The following ARHGAP15 variants were observed in gnomAD, a reference collection of about 807,000 sequenced individuals.
The protein encoded by ARHGAP15 is Rho GTPase activating protein 15, also known as rho GTPase-activating protein 15.
ARHGAP15 carries 51 observed loss-of-function variants against 63.7 expected under a neutral mutation model. That is an observed-to-expected ratio of 0.80 (90% CI 0.64 to 1.01). The LOEUF is 1.01. Ranked by LOEUF, ARHGAP15 falls within the 50% of genes least tolerant of loss-of-function variation. The probability of loss-of-function intolerance (pLI) is 0.00; values close to 1 mark genes in which losing one functional copy is unlikely to be tolerated. For synonymous variants in ARHGAP15, 191 were observed against 193.8 expected (o/e 0.99, Z 0.12); for missense variants, 560 against 564.6 (o/e 0.99, Z 0.08).
At chr2:143,371,417 T>C (rs542464966) in intron 6 of ARHGAP15, among the ~76,000 whole-genome samples, 6 of 152,338 alleles carry the variant, frequency 3.9e-5, no homozygotes, top group East Asian at 1.9e-4. Flanking sequence ...GACTCCAAGA[T>C]GGCATATTGT....
At position 143,397,653 on chromosome 2, in the gene ARHGAP15, C is replaced by CTGTT. The variant is rs1447929406; in HGVS notation, c.475-37948_475-37947insTGTT. ...ACTTTTTTCATAAATAGCAATTTAACAAAACCTAACACTTTAATGTGACAA... is the reference window on the plus strand; with the variant it reads ...ACTTTTTTCATAAATAGCAATTTAACTGTTAAAACCTAACACTTTAATGTGACAA... On this transcript the variant is annotated intron_variant, in intron 6 of 13. Transcript: ENST00000295095. 4.5e-3 allele frequency among the ~76,000 whole-genome samples: 684 copies of CTGTT among 151,948 alleles called. 7 individuals carry two copies. The highest frequency in any genetic ancestry group is 0.016 in the African/African-American group (654 of 41,480).
intron 8 of ARHGAP15, among the ~76,000 whole-genome samples, chr2:143,443,529 C>G (rs1350725528): frequency 2.0e-5 from 3 of 150,938 alleles, no homozygotes; most frequent in African/African-American, 4.9e-5. Flanking sequence ...AATGTGGAAA[C>G]AAATCACTTC....
intron 8 of ARHGAP15, among the ~76,000 whole-genome samples, chr2:143,463,678 C>G (rs988232541): frequency 6.6e-6 from 1 of 152,096 alleles, no homozygotes; most frequent in African/African-American, 2.4e-5. Context: ...CTCTGTTGAA[C>G]CCAGGATGAT....
intron 6 of ARHGAP15, among the ~76,000 whole-genome samples, chr2:143,333,276 T>C (rs951507774): frequency 2.0e-5 from 3 of 152,226 alleles, no homozygotes; most frequent in African/African-American, 4.8e-5. Context: ...GTTAGACTGT[T>C]GTTTTAAATA....
chr2:143,481,434 T>C (rs4662332), intron 8 of ARHGAP15, among the ~76,000 whole-genome samples: 150,821 of 152,256 alleles, frequency 0.99, 74,717 homozygotes, highest in Middle Eastern at 1. Context: ...AACATGTAAT[T>C]GTAACATGGG....
chr2:143,739,844 T>C (rs1330398167), intron 13 of ARHGAP15, among the ~76,000 whole-genome samples: 1 of 152,196 alleles, frequency 6.6e-6, no homozygotes, highest in Non-Finnish European at 1.5e-5. Flanking sequence ...ACTTAAATAA[T>C]AGGTGCCCCT....
chr2:143,270,153 G>A (rs1165539616), intron 6 of ARHGAP15, among the ~76,000 whole-genome samples: 4 of 152,038 alleles, frequency 2.6e-5, no homozygotes, highest in African/African-American at 9.7e-5. Flanking sequence ...TGTATTTTTA[G>A]TAGAGATGGG....
chr2:143,720,499 G>GA (rs922437421), intron 13 of ARHGAP15, among the ~76,000 whole-genome samples: 8 of 152,050 alleles, frequency 5.3e-5, no homozygotes, highest in Admixed American at 3.9e-4. Context: ...CTAATTGCTA[G>GA]AAAAAAAGAC....
At chr2:143,297,068 T>C (rs906067097) in intron 6 of ARHGAP15, among the ~76,000 whole-genome samples, 1 of 151,952 alleles carries the variant, frequency 6.6e-6, no homozygotes, top group Non-Finnish European at 1.5e-5. Flanking sequence ...AGAAAAAAGG[T>C]ACCCCAGTAT....
At chr2:143,471,184 GTATATATACACACATATATGTGTGTA>G (rs1201444764) in intron 8 of ARHGAP15, among the ~76,000 whole-genome samples, 41 of 140,788 alleles carry the variant, frequency 2.9e-4, no homozygotes, top group Admixed American at 1.7e-3. Context: ...ATATGTGTGT[GTATATATACACACATATATGTGTGTA>G]TATATACACA....
chr2:143,715,164 T>A (rs1025809285), intron 13 of ARHGAP15, among the ~76,000 whole-genome samples: 3 of 152,120 alleles, frequency 2.0e-5, no homozygotes, highest in African/African-American at 7.2e-5. Flanking sequence ...AAAAGGTACT[T>A]CTTACATTGT....
intron 6 of ARHGAP15, among the ~76,000 whole-genome samples, chr2:143,426,203 A>C (rs1689131178): frequency 6.6e-6 from 1 of 152,228 alleles, no homozygotes; most frequent in African/African-American, 2.4e-5. Context: ...TCTGATCACA[A>C]ATACTCATTT....
Position 143,575,199 on chromosome 2 carries a change from C to T in ARHGAP15, c.1003+18714C>T, listed in dbSNP as rs140881926. 3.0e-3 allele frequency among the ~76,000 whole-genome samples: 463 copies of T among 152,222 alleles called. 3 individuals are homozygous for T. Among genetic ancestry groups the T allele is most frequent in the African/African-American group, 0.01 (435 of 41,546 alleles). On this transcript the variant is annotated intron_variant, in intron 11 of 13. Transcript: ENST00000295095. ...GTACTTGTGTGTTGTAAAAACTGTGCGCAGACACACATATGTGTACACTTT... is the reference window on the plus strand; with the variant it reads ...GTACTTGTGTGTTGTAAAAACTGTGTGCAGACACACATATGTGTACACTTT...
At chr2:143,658,406 T>G (rs954667243) in intron 12 of ARHGAP15, among the ~76,000 whole-genome samples, 4 of 152,248 alleles carry the variant, frequency 2.6e-5, no homozygotes, top group Non-Finnish European at 4.4e-5. Context: ...AATTAAACTT[T>G]CCTAATTATT....
intron 13 of ARHGAP15, among the ~76,000 whole-genome samples, chr2:143,710,653 T>C (rs1388021872): frequency 6.6e-6 from 1 of 152,222 alleles, no homozygotes; most frequent in Non-Finnish European, 1.5e-5. Flanking sequence ...CCATCTATCA[T>C]TGTTGTCTCT....
chr2:143,357,106 A>G (rs1216916110), intron 6 of ARHGAP15, among the ~76,000 whole-genome samples: 1 of 152,208 alleles, frequency 6.6e-6, no homozygotes, highest in Non-Finnish European at 1.5e-5. Context: ...GCTGTAAATA[A>G]TTTATATCTG....
At chr2:143,742,339 G>T (rs956274489) in intron 13 of ARHGAP15, among the ~76,000 whole-genome samples, 1 of 152,152 alleles carries the variant, frequency 6.6e-6, no homozygotes, top group Admixed American at 6.5e-5. Context: ...GGAAACACAG[G>T]ATATCCGTGC....
chr2:143,636,418 T>TCAGGAAAAGAAGA (rs1166383409), intron 12 of ARHGAP15, among the ~76,000 whole-genome samples: 1 of 152,104 alleles, frequency 6.6e-6, no homozygotes, highest in Non-Finnish European at 1.5e-5. Flanking sequence ...GAAAAAGTCG[T>TCAGGAAAAGAAGA]CAGGAAAAGA....
chr2:143,273,799 A>G (rs1386096512), intron 6 of ARHGAP15, among the ~76,000 whole-genome samples: 1 of 152,250 alleles, frequency 6.6e-6, no homozygotes, highest in Non-Finnish European at 1.5e-5. Context: ...TTTTATTCCT[A>G]TAAAACTTCA....
Sources: allele counts gnomAD v4.1 joint callset (sites outside exome capture counted in the v4.1 genomes callset), GRCh38; gene constraint gnomAD v4.1.1; transcripts MANE v1.5; gene names NCBI Gene and HGNC (gene_info 2026-07-23, HGNC 2026-07-21).